ATP8B2: variants seen among roughly 807,000 people sequenced by gnomAD.
ATP8B2 encodes phospholipid-transporting ATPase ID.
ATP8B2 carries 70 observed loss-of-function variants against 133.4 expected under a neutral mutation model. That is an observed-to-expected ratio of 0.52 (90% CI 0.43 to 0.64). The LOEUF is 0.64. ATP8B2 is among the 30% of genes least tolerant of loss of function. ATP8B2 has a pLI of 0.00. For synonymous variants in ATP8B2, 517 were observed against 589.5 expected (o/e 0.88, Z 1.78); for missense variants, 1,101 against 1,535.7 (o/e 0.72, Z 4.73).
chr1:154,332,839 T>C, intron 9 of ATP8B2, 142 bp downstream of exon 9: 1 of 651,458 alleles, frequency 1.5e-6, no homozygotes, highest in Non-Finnish European at 2.7e-6. Flanking sequence ...GGAGTGTTTG[T>C]AATGTCATGT....
At position 154,344,559 on chromosome 1, in the gene ATP8B2, G is replaced by A; in HGVS notation, c.2141+59G>A. 2.5e-6 allele frequency: 4 copies of A among 1,612,538 alleles called. No individual in the cohort carries two copies. The highest frequency in any genetic ancestry group is 3.4e-6 in the Non-Finnish European group (4 of 1,178,810). ...CGTTGTGCCCAGGGCTCAGGTGGGG[G>A]TTTCTGGACCATTTAGACTTGAATC... On this transcript the variant is annotated intron_variant, in intron 20 of 27. Transcript: ENST00000368489. This position sits in a 1 kb window ranked among gnomAD's most constrained non-coding sequence, Gnocchi z 4.1.
Position 154,343,302 on chromosome 1 carries a change from G to A in ATP8B2, c.1642+1G>A. On this transcript the variant is annotated splice_donor_variant, in intron 16 of 27. Coordinates refer to ENST00000368489, the MANE Select transcript of ATP8B2 (RefSeq NM_001370597.1). LOFTEE classifies it high-confidence loss of function. The surrounding 1 kb of genome is among the most constrained non-coding windows in gnomAD (Gnocchi z 5.8). ...ATCCGCAAGCGGATGTCGGTCATAG[G>A]TGAGGCCAGGCCTGGGGTGCTGGGG... The A allele has an allele frequency of 6.2e-7, 1 of 1,614,014 alleles. No individual in the cohort carries two copies. The highest frequency in any genetic ancestry group is 8.5e-7 in the Non-Finnish European group (1 of 1,179,948).
Position 154,331,351 on chromosome 1 carries a change from G to T in ATP8B2, c.304-93G>T. On this transcript the variant is annotated intron_variant, in intron 5 of 27. Coordinates refer to ENST00000368489, the MANE Select transcript of ATP8B2 (RefSeq NM_001370597.1). The surrounding 1 kb of genome is among the most constrained non-coding windows in gnomAD (Gnocchi z 4.8). ...AACTGGTTTGTGATGGGGTGTGTAT[G>T]AGGCGTTAACCAGCATGCTCTGAGT... The T allele has an allele frequency of 7.3e-7, 1 of 1,376,772 alleles. No homozygotes were observed. The highest frequency in any genetic ancestry group is 1.7e-5 in the Admixed American group (1 of 57,734). 85.3% of individuals were successfully genotyped at this position (1,376,772 alleles called of 1,614,324 possible). A position where few individuals can be genotyped will look rare whatever the true frequency, so the allele number is the denominator to read the frequency against.
At chr1:154,342,215 C>T (rs888433570) in intron 13 of ATP8B2, among the ~76,000 whole-genome samples, 5 of 151,256 alleles carry the variant, frequency 3.3e-5, no homozygotes, top group South Asian at 2.1e-4. Flanking sequence ...AGGGGGGTGC[C>T]GCCTAGGGTA....
At position 154,349,065 on chromosome 1, in the gene ATP8B2, A is replaced by C; in HGVS notation, c.3520A>C (p.Ser1174Arg). 1.9e-6 allele frequency: 3 copies of C among 1,614,236 alleles called. No individual in the cohort carries two copies. Among genetic ancestry groups the C allele is most frequent in the Non-Finnish European group, 2.5e-6 (3 of 1,180,040 alleles). Residue 1174 changes from serine to arginine, a missense_variant, in exon 28 of 28, where the codon AGT becomes CGT. Physicochemically the swap from Ser to Arg is moderately radical, Grantham distance 110 (BLOSUM62 -1). Transcript: ENST00000368489. ...SWIESLRRKKSDSASSPSGGA... is the reference protein window; with the variant it reads ...SWIESLRRKKRDSASSPSGGA... ...GATTGAGAGCCTGCGCAGGAAGAAGAGTGACAGTGCCAGTAGCCCCAGTGG... is the reference window on the plus strand; with the variant it reads ...GATTGAGAGCCTGCGCAGGAAGAAGCGTGACAGTGCCAGTAGCCCCAGTGG...
rs1686345443 is a variant in ATP8B2 at position 154,340,577 on chromosome 1, C to T, written c.1035-277C>T. 1 of 493,146 alleles carries T rather than the reference C, an allele frequency of 2.0e-6. No homozygotes were observed. Among genetic ancestry groups the T allele is most frequent in the Non-Finnish European group, 3.8e-6 (1 of 263,894 alleles). The allele number at this position is 493,146 out of a possible 1,614,324, so 30.5% of individuals were successfully genotyped here. ...TGGCCGAGTGCCTTGTCTACAGCCCCTTTTCCTCCTTTGCTGTCTGTCCTG... is the reference window on the plus strand; with the variant it reads ...TGGCCGAGTGCCTTGTCTACAGCCCTTTTTCCTCCTTTGCTGTCTGTCCTG... On this transcript the variant is annotated intron_variant, in intron 12 of 27. Coordinates refer to ENST00000368489, the MANE Select transcript of ATP8B2 (RefSeq NM_001370597.1). The surrounding 1 kb of genome is among the most constrained non-coding windows in gnomAD (Gnocchi z 4.0).
chr1:154,341,086 G>A (rs761926107), intron 13 of ATP8B2, 24 bp downstream of exon 13: 2 of 1,612,310 alleles, frequency 1.2e-6, no homozygotes, highest in African/African-American at 2.7e-5. Context: ...ACTGGGGACT[G>A]GGGGCTTGCA....
Position 154,331,737 on chromosome 1 carries a change from G to C in ATP8B2, c.438+59G>C. On this transcript the variant is annotated intron_variant, in intron 7 of 27. Transcript: ENST00000368489. The surrounding 1 kb of genome is among the most constrained non-coding windows in gnomAD (Gnocchi z 4.8). ...TTCTTCCTCTTCTTTGTGAGAAAAG[G>C]ATGAATCTTTCCTGATTTACTGTTG... 1 of 1,549,904 alleles carries C rather than the reference G, an allele frequency of 6.5e-7. No homozygotes were observed. Among genetic ancestry groups the C allele is most frequent in the Non-Finnish European group, 8.9e-7 (1 of 1,121,586 alleles).
intron 13 of ATP8B2, among the ~76,000 whole-genome samples, 183 bp from the exon 14 acceptor site, chr1:154,342,297 T>A (rs1017088528): frequency 1.2e-4 from 18 of 151,616 alleles, no homozygotes; most frequent in African/African-American, 4.4e-4. Flanking sequence ...GAATCTAGGG[T>A]GCCTGATGCC....
rs1685961536 is a variant in ATP8B2 at position 154,330,802 on chromosome 1, C to T, written c.91-13C>T. 1 of 1,604,902 alleles carries T rather than the reference C, an allele frequency of 6.2e-7. No homozygotes were observed. The highest frequency in any genetic ancestry group is 8.5e-7 in the Non-Finnish European group (1 of 1,171,706). ...CTGGAGACTGCTCATTATCTTCTCT[C>T]CTACTGCCATAGAGTAACTGCATCA... On this transcript the variant is annotated splice_polypyrimidine_tract_variant and intron_variant, in intron 3 of 27. Transcript: ENST00000368489.
At position 154,350,110 on chromosome 1, in the gene ATP8B2, G is replaced by C. The variant is rs781132876; in HGVS notation, c.*992G>C. ...TTTTTTGAGATGGAGTCTCACTCTT[G>C]TCACCTAGGCAAGAGTGCAATGGCA... is the stretch of plus-strand genomic sequence containing the variant. On this transcript the variant is annotated 3_prime_UTR_variant, in exon 28 of 28. Coordinates refer to ENST00000368489, the MANE Select transcript of ATP8B2 (RefSeq NM_001370597.1). The C allele has an allele frequency of 6.9e-6, 1 of 145,410 alleles. No individual in the cohort carries two copies. The highest frequency in any genetic ancestry group is 1.5e-5 in the Non-Finnish European group (1 of 66,324). The allele number at this position is 145,410 out of a possible 1,614,324, so 9.0% of individuals were successfully genotyped here.
chr1:154,350,561 T>G lies in ATP8B2; in HGVS notation c.*1443T>G, dbSNP rs2149179635. 6.6e-6 allele frequency: 1 copy of G among 152,356 alleles called. No individual in the cohort carries two copies. The highest frequency in any genetic ancestry group is 1.9e-4 in the East Asian group (1 of 5,186). The allele number at this position is 152,356 out of a possible 1,614,324, so 9.4% of individuals were successfully genotyped here. A position where few individuals can be genotyped will look rare whatever the true frequency, so the allele number is the denominator to read the frequency against. ...GGAATTGGCCTCTCTGCTCCCTTCT[T>G]CAGTAAGCAAGGAGCCCCGCCCCTC... On this transcript the variant is annotated 3_prime_UTR_variant, in exon 28 of 28. Coordinates refer to ENST00000368489, the MANE Select transcript of ATP8B2 (RefSeq NM_001370597.1).
rs115265400 is a variant in ATP8B2, at chr1:154,332,797, A to G, written c.589+100A>G. ...ATTTTCCTTTGGGCTTTTTGTTGTT[A>G]TTATGCAACTCCCTGGACTGTTTTG... On this transcript the variant is annotated intron_variant, in intron 9 of 27. Coordinates refer to ENST00000368489, the MANE Select transcript of ATP8B2 (RefSeq NM_001370597.1). 6.7e-3 allele frequency: 6,063 copies of G among 904,856 alleles called. 54 individuals carry two copies. Among genetic ancestry groups the G allele is most frequent in the Non-Finnish European group, 6.7e-3 (3,773 of 565,412 alleles). 56.1% of individuals were successfully genotyped at this position (904,856 alleles called of 1,614,324 possible).
Position 154,343,589 on chromosome 1 carries a change from G to A in ATP8B2, c.1758+21G>A. ...TTAATGTGGGTGTGAGGAGAGGAGG[G>A]GCCAGCCTGGGGGGTTCTACTCTTA... On this transcript the variant is annotated intron_variant, in intron 17 of 27. Coordinates refer to ENST00000368489, the MANE Select transcript of ATP8B2 (RefSeq NM_001370597.1). The surrounding 1 kb of genome is among the most constrained non-coding windows in gnomAD (Gnocchi z 5.8). 6.2e-7 allele frequency: 1 copy of A among 1,606,752 alleles called. No individual in the cohort carries two copies. The highest frequency in any genetic ancestry group is 8.5e-7 in the Non-Finnish European group (1 of 1,173,598).
Position 154,349,212 on chromosome 1 carries a change from C to G in ATP8B2, c.*94C>G. On this transcript the variant is annotated 3_prime_UTR_variant, in exon 28 of 28. Coordinates refer to ENST00000368489, the MANE Select transcript of ATP8B2 (RefSeq NM_001370597.1). ...CGTCTCGGAACTGCTGGTCCTCATT[C>G]CTTGCTTCCCGTCCCCCCGGTAGAC... 6.9e-7 allele frequency: 1 copy of G among 1,456,920 alleles called. No individual in the cohort carries two copies. The highest frequency in any genetic ancestry group is 9.3e-7 in the Non-Finnish European group (1 of 1,079,790). The allele number at this position is 1,456,920 out of a possible 1,614,324, so 90.2% of individuals were successfully genotyped here. A position where few individuals can be genotyped will look rare whatever the true frequency, so the allele number is the denominator to read the frequency against.
At position 154,346,132 on chromosome 1, in the gene ATP8B2, AAGG is replaced by A. The variant is rs1340786298; in HGVS notation, c.2779-92_2779-90del. On this transcript the variant is annotated intron_variant, in intron 24 of 27. Coordinates refer to ENST00000368489, the MANE Select transcript of ATP8B2 (RefSeq NM_001370597.1). The surrounding 1 kb of genome is among the most constrained non-coding windows in gnomAD (Gnocchi z 4.5). ...GGTTCTAGCTGCCAAAGACTTTGGA[AAGG>A]AGGAGGCAGGGACAGAGTCAGAGTC... The A allele has an allele frequency of 1.3e-6, 2 of 1,511,796 alleles. No homozygotes were observed. The highest frequency in any genetic ancestry group is 3.8e-5 in the Admixed American group (2 of 51,968). 93.6% of individuals were successfully genotyped at this position (1,511,796 alleles called of 1,614,324 possible).
At position 154,344,888 on chromosome 1, in the gene ATP8B2, G is replaced by A. The variant is rs1440602479; in HGVS notation, c.2287-83G>A. The A allele has an allele frequency of 6.5e-7, 1 of 1,543,844 alleles. No individual in the cohort carries two copies. The highest frequency in any genetic ancestry group is 8.7e-7 in the Non-Finnish European group (1 of 1,143,752). On this transcript the variant is annotated intron_variant, in intron 21 of 27. Transcript: ENST00000368489. This position sits in a 1 kb window ranked among gnomAD's most constrained non-coding sequence, Gnocchi z 4.1. Reference sequence around the variant, plus strand: ...ATTTCCCCTGATTTCAGAGAAGACTGGTCTCAAAGGGGACTGGGAGGAGCT... The same window carrying A: ...ATTTCCCCTGATTTCAGAGAAGACTAGTCTCAAAGGGGACTGGGAGGAGCT...
Position 154,329,163 on chromosome 1 carries a change from A to G in ATP8B2, c.31+991A>G, listed in dbSNP as rs1272740473. On this transcript the variant is annotated intron_variant, in intron 2 of 27. Transcript: ENST00000368489. ...ATTCACTTGTCCCCAGCCTCCCCCT[A>G]CCTGCCTTGATCCTCTTTCCAGACC... The G allele has an allele frequency of 9.7e-6, 11 of 1,138,340 alleles. No individual in the cohort carries two copies. The East Asian group carries it at 8.1e-4, about 84-fold the overall frequency. The allele number at this position is 1,138,340 out of a possible 1,614,324, so 70.5% of individuals were successfully genotyped here.
chr1:154,342,811 G>A lies in ATP8B2; in HGVS notation c.1303G>A (p.Asp435Asn), dbSNP rs181629150. The A allele has an allele frequency of 3.7e-6, 6 of 1,614,152 alleles. No homozygotes were observed. In the East Asian group the frequency reaches 1.3e-4, roughly 36 times the overall value. The stretch of plus-strand genomic sequence containing the variant: ...TGTGTTTCAGAGGCCTGAACCTGTT[G>A]ACTTCTCCTTCAATCCTCTGGCTGA... The part of the protein sequence containing the change: ...AELGERPEPV[D>N]FSFNPLADKK... The change falls in exon 15 of 28, where the codon GAC (aspartate) becomes AAC (asparagine). Residue 435 changes from aspartate (D) to asparagine (N), a missense_variant. Asp to Asn is a conservative substitution (Grantham distance 23, BLOSUM62 1). Transcript: ENST00000368489.
Sources: gnomAD v4.1 joint callset for allele counts (sites outside exome capture counted in the v4.1 genomes callset) on GRCh38, gnomAD v4.1.1 for gene constraint, Gnocchi (gnomAD v3.1) non-coding constraint, MANE v1.5 for transcripts, NCBI Gene and HGNC (gene_info 2026-07-23, HGNC 2026-07-21) for gene names.